LRP1B: variants seen among roughly 807,000 people sequenced by gnomAD.
LRP1B encodes low-density lipoprotein receptor-related protein 1B.
Under a neutral mutation model 556.6 loss-of-function variants are expected in LRP1B, and 217 were observed. The observed-to-expected ratio is 0.39, with a 90% confidence interval of 0.35 to 0.44. LRP1B has a LOEUF of 0.44. Ranked by LOEUF, LRP1B falls within the 20% of genes least tolerant of loss-of-function variation. The pLI, the probability that LRP1B is intolerant of heterozygous loss-of-function variation, is 1.00. For synonymous variants in LRP1B, 2,047 were observed against 1,865.8 expected (o/e 1.10, Z -2.50); for missense variants, 5,053 against 5,620.8 (o/e 0.90, Z 3.23).
chr2:141,733,302 A>G (rs530154649), intron 2 of LRP1B, among the ~76,000 whole-genome samples: 29 of 152,250 alleles, frequency 1.9e-4, no homozygotes, highest in South Asian at 1.0e-3. Flanking sequence ...TGTTTGAATT[A>G]CGATTGGTCT....
intron 2 of LRP1B, among the ~76,000 whole-genome samples, chr2:141,624,487 A>G (rs192812023): frequency 6.6e-6 from 1 of 152,234 alleles, no homozygotes; most frequent in African/African-American, 2.4e-5. Context: ...TTAAATATCT[A>G]TTTAGAAGAT....
chr2:140,612,830 G>A (rs150477761), intron 41 of LRP1B, among the ~76,000 whole-genome samples: 1 of 152,034 alleles, frequency 6.6e-6, no homozygotes, highest in East Asian at 1.9e-4. Flanking sequence ...GGGCATTCTT[G>A]AATTTTCTTA....
At chr2:141,376,626 A>C (rs1343751261) in intron 3 of LRP1B, among the ~76,000 whole-genome samples, 1 of 152,182 alleles carries the variant, frequency 6.6e-6, no homozygotes, top group African/African-American at 2.4e-5. Context: ...TATGCATGAA[A>C]ATTTTTTAAC....
chr2:140,921,203 A>G (rs1694727873), intron 21 of LRP1B, among the ~76,000 whole-genome samples: 1 of 151,838 alleles, frequency 6.6e-6, no homozygotes, highest in Non-Finnish European at 1.5e-5. Context: ...ATCTCCTTAT[A>G]ATTTATTTCT....
intron 7 of LRP1B, among the ~76,000 whole-genome samples, chr2:141,150,183 C>G (rs1270648374): frequency 1.3e-5 from 2 of 152,104 alleles, no homozygotes; most frequent in African/African-American, 2.4e-5. Flanking sequence ...GACAGTGACA[C>G]CAATACGTGG....
At chr2:140,311,638 A>G (rs924020545) in intron 83 of LRP1B, among the ~76,000 whole-genome samples, 5 of 151,912 alleles carry the variant, frequency 3.3e-5, no homozygotes, top group African/African-American at 1.2e-4. Context: ...CCATGTAACA[A>G]AACTGCACTT....
At chr2:141,086,438 T>G (rs1305623183) in intron 7 of LRP1B, among the ~76,000 whole-genome samples, 1 of 152,234 alleles carries the variant, frequency 6.6e-6, no homozygotes, top group Non-Finnish European at 1.5e-5. Flanking sequence ...CCCATTACTA[T>G]CATTATCCTT....
At chr2:141,834,398 G>T (rs961539513) in intron 1 of LRP1B, among the ~76,000 whole-genome samples, 2 of 151,840 alleles carry the variant, frequency 1.3e-5, no homozygotes, top group Non-Finnish European at 1.5e-5. Context: ...AGAAAGGAGA[G>T]ATAGAAACAA....
chr2:140,795,996 C>T (rs1418144922), intron 32 of LRP1B, among the ~76,000 whole-genome samples: 2 of 151,868 alleles, frequency 1.3e-5, no homozygotes, highest in Non-Finnish European at 2.9e-5. Flanking sequence ...TGTACTACTT[C>T]TTTTTTAAAT....
chr2:140,371,184 C>G lies in LRP1B; in HGVS notation c.10870G>C (p.Asp3624His), dbSNP rs1253155010. ...NGEYDCADGS[D>H]EMDCVTECKE... Reference sequence around the variant, plus strand: ...AATTAAACAATATATTTTACCTCATCTGAACCATCAGCACAATCATATTCT... The same window carrying G: ...AATTAAACAATATATTTTACCTCATGTGAACCATCAGCACAATCATATTCT... The change falls in exon 70 of 91, where the codon GAT becomes CAT. Residue 3624 changes from aspartate (D) to histidine (H), a missense_variant. This residue lies in a region of LRP1B where 599 missense variants were observed against 648.4 expected (regional missense o/e 0.92). Transcript: ENST00000389484. 2 of 1,574,512 alleles carry G rather than the reference C, an allele frequency of 1.3e-6. No homozygotes were observed. Among genetic ancestry groups the G allele is most frequent in the Non-Finnish European group, 1.7e-6 (2 of 1,158,920 alleles).
In LRP1B at chr2:141,019,956, G is replaced by A. The variant is rs1158137459; in HGVS notation, c.1936C>T (p.His646Tyr). ...GGATCCACCACAATTCCTCTGGGAT[G>A]AGACATTTCACCCTCTAAAAGAGTC... ...RKTLLEGEMS[H>Y]PRGIVVDPVN... Residue 646 changes from histidine (H) to tyrosine (Y), a missense_variant, in exon 12 of 91, where the codon CAT (histidine) becomes TAT (tyrosine). By Grantham distance (83) the His-to-Tyr change is moderately conservative (BLOSUM62 2). Around this residue, in one of 5 missense-constraint regions of LRP1B, gnomAD observed 3,619 missense variants for 3,931.9 expected, o/e 0.92. Transcript: ENST00000389484. 2 of 1,610,216 alleles carry A rather than the reference G, an allele frequency of 1.2e-6. No homozygotes were observed. Among genetic ancestry groups the A allele is most frequent in the South Asian group, 1.1e-5 (1 of 90,688 alleles).
chr2:140,519,022 C>G (rs895183259), intron 49 of LRP1B, among the ~76,000 whole-genome samples: 3 of 152,092 alleles, frequency 2.0e-5, no homozygotes, highest in East Asian at 3.9e-4. Flanking sequence ...TATCATAAAA[C>G]TGGCCATACT....
At chr2:141,124,664 G>GAAAAAAAAAAAAAA (rs570765407) in intron 7 of LRP1B, among the ~76,000 whole-genome samples, 1 of 73,674 alleles carries the variant, frequency 1.4e-5, no homozygotes, top group African/African-American at 4.0e-5. Flanking sequence ...AGTGACAAAT[G>GAAAAAAAAAAAAAA]AAAAAAAAAA....
chr2:141,183,354 T>G (rs1183226885), intron 7 of LRP1B, among the ~76,000 whole-genome samples: 2 of 152,036 alleles, frequency 1.3e-5, no homozygotes, highest in African/African-American at 2.4e-5. Flanking sequence ...CAACCCAGAT[T>G]AGAATTTCAT....
intron 2 of LRP1B, among the ~76,000 whole-genome samples, chr2:141,598,375 T>A (rs1206193058): frequency 1.3e-5 from 2 of 152,176 alleles, no homozygotes; most frequent in East Asian, 3.9e-4. Context: ...ATTAATTTTT[T>A]AAAAAAGTAA....
intron 1 of LRP1B, among the ~76,000 whole-genome samples, chr2:141,863,861 AC>A (rs1698326627): frequency 6.6e-6 from 1 of 152,152 alleles, no homozygotes; most frequent in African/African-American, 2.4e-5. Context: ...TGGTCGCATA[AC>A]CCTAGTAATT....
At chr2:140,695,334 G>A (rs146912091) in intron 41 of LRP1B, among the ~76,000 whole-genome samples, 5 of 152,102 alleles carry the variant, frequency 3.3e-5, no homozygotes, top group African/African-American at 1.2e-4. Context: ...ATCAGAGCTG[G>A]TCATAAGGCA....
intron 41 of LRP1B, among the ~76,000 whole-genome samples, chr2:140,686,074 TC>T (rs1366415982): frequency 6.6e-6 from 1 of 152,108 alleles, no homozygotes; most frequent in African/African-American, 2.4e-5. Flanking sequence ...GGCCATAAAG[TC>T]CTTTCCATTC....
chr2:141,754,267 T>C (rs1366992887), intron 2 of LRP1B, among the ~76,000 whole-genome samples: 2 of 152,122 alleles, frequency 1.3e-5, no homozygotes, highest in African/African-American at 2.4e-5. Context: ...CTTGGACAGA[T>C]TGCTTTCCAT....
Sources: gnomAD v4.1 joint callset for allele counts (sites outside exome capture counted in the v4.1 genomes callset) on GRCh38, gnomAD v4.1.1 for gene constraint, gnomAD v4.1.1 regional missense constraint, MANE v1.5 for transcripts, NCBI Gene and HGNC (gene_info 2026-07-23, HGNC 2026-07-21) for gene names.